The following RASSF3 variants were observed in gnomAD, a reference collection of about 807,000 sequenced individuals.
The protein encoded by RASSF3 is ras association domain-containing protein 3.
In RASSF3, 19 loss-of-function variants were observed where a neutral mutation model predicts 19.9. The observed-to-expected ratio is 0.96, with a 90% CI of 0.67 to 1.40. RASSF3 has a LOEUF of 1.40. RASSF3 is among the 40% of genes most tolerant of loss of function. The probability of loss-of-function intolerance (pLI) is 0.00; values close to 1 mark genes in which losing one functional copy is unlikely to be tolerated. For synonymous variants in RASSF3, 110 were observed against 104.2 expected, an observed-to-expected ratio of 1.06 and a Z score of -0.34; for missense variants, 306 against 289.8, an observed-to-expected ratio of 1.06 and a Z score of -0.41.
intron 1 of RASSF3, among the ~76,000 whole-genome samples, chr12:64,522,772 A>G (rs561689546): frequency 7.2e-4 from 109 of 152,304 alleles, no homozygotes; most frequent in African/African-American, 2.6e-3. Context: ...GTTTCAGCTA[A>G]AGAGGCTGGG....
In RASSF3 at chr12:64,695,505, T is replaced by C. The variant is rs1797683; in HGVS notation, c.*593T>C. 0.73 allele frequency: 111,074 copies of C among 152,764 alleles called. 40,602 individuals are homozygous for C. The highest frequency in any genetic ancestry group is 0.8 in the South Asian group (3,836 of 4,822). 9.5% of individuals were successfully genotyped at this position (152,764 alleles called of 1,614,324 possible). ...AGAAGGCATGTGCGGTGGTGGCGAG[T>C]GCTGCGGGCTATGGAAGGTGACTTG... On this transcript the variant is annotated 3_prime_UTR_variant, in exon 5 of 5. Transcript: ENST00000542104.
chr12:64,692,554 C>T (rs981910272), intron 4 of RASSF3, among the ~76,000 whole-genome samples: 1 of 152,128 alleles, frequency 6.6e-6, no homozygotes, highest in Non-Finnish European at 1.5e-5. Flanking sequence ...GACATTCAGA[C>T]TCATTTTGGG....
At chr12:64,666,951 G>A (rs566290871) in intron 1 of RASSF3, among the ~76,000 whole-genome samples, 1 of 152,340 alleles carries the variant, frequency 6.6e-6, no homozygotes, top group Admixed American at 6.5e-5. Flanking sequence ...AGTGGGGACA[G>A]AAAAGCAAGA....
At chr12:64,639,084 C>T (rs1871422803) in intron 1 of RASSF3, among the ~76,000 whole-genome samples, 1 of 152,208 alleles carries the variant, frequency 6.6e-6, no homozygotes. Context: ...GCAGATTCTT[C>T]AGTTCTCTCT....
intron 2 of RASSF3, among the ~76,000 whole-genome samples, chr12:64,568,016 G>C (rs1484294269): frequency 6.6e-6 from 1 of 152,108 alleles, no homozygotes; most frequent in Non-Finnish European, 1.5e-5. Flanking sequence ...GTGTTTGCTT[G>C]TTTGGTTTTT....
At chr12:64,693,509 C>T (rs1868314669) in intron 4 of RASSF3, among the ~76,000 whole-genome samples, 1 of 151,956 alleles carries the variant, frequency 6.6e-6, no homozygotes, top group Non-Finnish European at 1.5e-5. Context: ...GCCTCAATCT[C>T]CCGGGCTCAA....
chr12:64,555,280 T>C (rs534323259), intron 2 of RASSF3, among the ~76,000 whole-genome samples: 31 of 152,172 alleles, frequency 2.0e-4, no homozygotes, highest in Non-Finnish European at 3.5e-4. Flanking sequence ...AGTCTTGCTA[T>C]GTTGTCCAGG....
intron 1 of RASSF3, among the ~76,000 whole-genome samples, chr12:64,527,772 T>C (rs1397295127): frequency 6.7e-6 from 1 of 149,828 alleles, no homozygotes; most frequent in Non-Finnish European, 1.5e-5. Context: ...CCATCTATGC[T>C]AAAAATACAA....
At chr12:64,636,593 C>T (rs1871336396) in intron 1 of RASSF3, among the ~76,000 whole-genome samples, 2 of 151,536 alleles carry the variant, frequency 1.3e-5, no homozygotes, top group Admixed American at 6.6e-5. Flanking sequence ...TAGCCGGGCG[C>T]GGTGGCTCAC....
intron 2 of RASSF3, among the ~76,000 whole-genome samples, chr12:64,565,839 C>A (rs555496838): frequency 6.6e-6 from 1 of 150,578 alleles, no homozygotes; most frequent in South Asian, 2.1e-4. Flanking sequence ...AGCGAGATCT[C>A]GCCACTGCCC....
At chr12:64,584,222 C>G (rs1156443942) in intron 2 of RASSF3, among the ~76,000 whole-genome samples, 3 of 152,344 alleles carry the variant, frequency 2.0e-5, no homozygotes, top group Non-Finnish European at 4.4e-5. Context: ...CAGTTCTCAA[C>G]AGAGAAATCT....
chr12:64,645,919 A>T (rs1455496689), intron 1 of RASSF3, among the ~76,000 whole-genome samples: 1 of 152,210 alleles, frequency 6.6e-6, no homozygotes, highest in Admixed American at 6.5e-5. Context: ...GGCTAGAACC[A>T]CTAGTCTGAC....
chr12:64,690,436 C>A (rs1170166164), intron 3 of RASSF3, among the ~76,000 whole-genome samples: 5 of 152,144 alleles, frequency 3.3e-5, no homozygotes, highest in Non-Finnish European at 7.4e-5. Flanking sequence ...CTGCCTGTCT[C>A]GGCCTCCCAA....
intron 1 of RASSF3, among the ~76,000 whole-genome samples, chr12:64,655,819 G>A (rs912238166): frequency 1.3e-5 from 2 of 151,942 alleles, no homozygotes; most frequent in East Asian, 3.9e-4. Context: ...GTGAGGTCAG[G>A]AGTTCGAGAC....
chr12:64,579,836 G>C (rs1869660986), intron 2 of RASSF3, among the ~76,000 whole-genome samples: 1 of 142,876 alleles, frequency 7.0e-6, no homozygotes, highest in Admixed American at 7.1e-5. Context: ...TAAAGACAGA[G>C]TATCGCTCTG....
At chr12:64,605,630 C>T (rs950040932), upstream of RASSF3, among the ~76,000 whole-genome samples, 11 of 152,018 alleles carry the variant, frequency 7.2e-5, no homozygotes, top group African/African-American at 2.4e-4. Context: ...TGGCTCACGC[C>T]TGTAATTCCA....
chr12:64,654,585 G>T (rs1440193482), intron 1 of RASSF3, among the ~76,000 whole-genome samples: 1 of 142,254 alleles, frequency 7.0e-6, no homozygotes, highest in Non-Finnish European at 1.5e-5. Context: ...TGGGTGGATC[G>T]CTTGAACCCA....
intron 2 of RASSF3, among the ~76,000 whole-genome samples, chr12:64,595,790 C>A (rs1252685394): frequency 2.0e-5 from 3 of 152,112 alleles, no homozygotes; most frequent in Non-Finnish European, 4.4e-5. Context: ...GCCTAAGAAG[C>A]AAAAGTTTTT....
At chr12:64,533,170 G>C (rs942639796), upstream of RASSF3, 1 of 152,298 alleles carries the variant, frequency 6.6e-6, no homozygotes, top group Non-Finnish European at 1.5e-5. Flanking sequence ...CTCCCTGGTG[G>C]GCTCTGAGTC....
Sources: allele counts gnomAD v4.1 joint callset (sites outside exome capture counted in the v4.1 genomes callset), GRCh38; gene constraint gnomAD v4.1.1; transcripts MANE v1.5; gene names NCBI Gene and HGNC (gene_info 2026-07-23, HGNC 2026-07-21).